Variants in PLK5 observed in about 807,000 individuals in gnomAD.
The protein encoded by PLK5 is inactive serine/threonine-protein kinase PLK5.
A neutral mutation model predicts 33.7 loss-of-function variants in PLK5; 28 were observed. That is an observed-to-expected ratio of 0.83 (90% CI 0.62 to 1.14). The LOEUF (loss-of-function observed/expected upper bound fraction) is 1.14. PLK5 is among the 50% of genes most tolerant of loss of function. The pLI is 0.00. For missense variants in PLK5, 492 were observed against 461.5 expected (o/e 1.07, Z -0.61); for synonymous variants, 225 against 202.2 (o/e 1.11, Z -0.96).
Position 1,535,420 on chromosome 19 carries a change from C to G in PLK5, c.*170C>G. On this transcript the variant is annotated 3_prime_UTR_variant, in exon 14 of 14. Coordinates refer to ENST00000454744, the MANE Select transcript of PLK5 (RefSeq NM_001243079.2). ...TGTTCAACCCAGACTTTGCTGGGAT[C>G]TCTTCCTTTTTCATTAAAGACAATT... 1.5e-6 allele frequency: 1 copy of G among 656,670 alleles called. No individual in the cohort carries two copies. The highest frequency in any genetic ancestry group is 2.4e-6 in the Non-Finnish European group (1 of 417,012). The allele number at this position is 656,670 out of a possible 1,614,324, so 40.7% of individuals were successfully genotyped here.
rs749698829 is a variant in PLK5, at chr19:1,529,591, G to A, written c.490+101G>A. The A allele has an allele frequency of 8.9e-5, 127 of 1,428,758 alleles. 1 individual carries two copies. Among genetic ancestry groups the A allele is most frequent in the African/African-American group, 7.2e-4 (51 of 70,776 alleles). 88.5% of individuals were successfully genotyped at this position (1,428,758 alleles called of 1,614,324 possible). A position where few individuals can be genotyped will look rare whatever the true frequency, so the allele number is the denominator to read the frequency against. ...GTGGCTTACCAGGGTCACAGCCGCC[G>A]TCCCGGCCTCACCTTTCCCGCCTGT... On this transcript the variant is annotated intron_variant, in intron 10 of 13. Coordinates refer to ENST00000454744, the MANE Select transcript of PLK5 (RefSeq NM_001243079.2).
At chr19:1,534,098 GC>G in intron 13 of PLK5, 57 bp downstream of exon 13, 1 of 1,375,348 alleles carries the variant, frequency 7.3e-7, no homozygotes, top group Non-Finnish European at 1.0e-6. Flanking sequence ...GGTCTGGCCT[GC>G]CTGGGCTGTT....
chr19:1,535,204 CCG>C lies in PLK5; in HGVS notation c.966_967del (p.Gly323ThrfsTer62), dbSNP rs1599309232. The C allele has an allele frequency of 6.5e-7, 1 of 1,533,998 alleles. No homozygotes were observed. The highest frequency in any genetic ancestry group is 8.7e-7 in the Non-Finnish European group (1 of 1,146,472). ...CGGAGCCACGGCTGCGCCCCCACCA[CCG>C]GACAGCACCTTCACCACGCCCTCCG... On this transcript the variant is annotated frameshift_variant, in exon 14 of 14. Coordinates refer to ENST00000454744, the MANE Select transcript of PLK5 (RefSeq NM_001243079.2). LOFTEE classifies it low-confidence loss of function (END_TRUNC).
rs1913668621 is a variant in PLK5 at position 1,524,247 on chromosome 19, G to T, written c.-544+1G>T. 1 of 150,588 alleles carries T rather than the reference G, an allele frequency of 6.6e-6. No homozygotes were observed. The highest frequency in any genetic ancestry group is 1.9e-4 in the East Asian group (1 of 5,168). 9.3% of individuals were successfully genotyped at this position (150,588 alleles called of 1,614,324 possible). On this transcript the variant is annotated splice_donor_variant, in intron 1 of 13. Transcript: ENST00000454744. LOFTEE classifies it low-confidence loss of function (5UTR_SPLICE). The surrounding 1 kb of genome is among the most constrained non-coding windows in gnomAD (Gnocchi z 4.5). ...CAGGCGCGGGAAGCTGATCGGCAAG[G>T]TGGGAGGCCCGCGCCCCGAGTCCGC...
At chr19:1,529,886 C>A in intron 11 of PLK5, 62 bp downstream of exon 11, 1 of 1,479,646 alleles carries the variant, frequency 6.8e-7, no homozygotes, top group South Asian at 1.3e-5. Flanking sequence ...AAATTGCCTT[C>A]ATTCCCATCC....
intron 12 of PLK5, among the ~76,000 whole-genome samples, chr19:1,533,217 G>A (rs146746691): frequency 1.5e-3 from 231 of 151,362 alleles, no homozygotes; most frequent in African/African-American, 5.4e-3. Flanking sequence ...TCCCGGGATC[G>A]GGGTAGCTGG....
At chr19:1,534,939 G>T in intron 13 of PLK5, 126 bp from the exon 14 acceptor site, 7 of 863,650 alleles carry the variant, frequency 8.1e-6, no homozygotes, top group South Asian at 7.7e-5. Flanking sequence ...CCTGTGGCTG[G>T]GGCAGGCACT....
chr19:1,534,100 C>A, intron 13 of PLK5, 59 bp downstream of exon 13: 1 of 1,367,206 alleles, frequency 7.3e-7, no homozygotes, highest in Non-Finnish European at 1.0e-6. Context: ...TCTGGCCTGC[C>A]TGGGCTGTTA....
rs56934021 is a variant in PLK5, at chr19:1,528,150, CGGCGTGGGGTCCCT to C, written c.201+34_201+47del. On this transcript the variant is annotated intron_variant, in intron 7 of 13. Transcript: ENST00000454744. ...CTTCACACAGGTGGGCGGCGGTCCT[CGGCGTGGGGTCCCT>C]GGCGTGGGGTCCCTGGCAGGTGATG... 2.9e-3 allele frequency: 4,413 copies of C among 1,509,978 alleles called. 16 individuals are homozygous for C. The highest frequency in any genetic ancestry group is 9.6e-3 in the African/African-American group (691 of 71,914). 93.5% of individuals were successfully genotyped at this position (1,509,978 alleles called of 1,614,324 possible).
chr19:1,531,737 G>C lies in PLK5; in HGVS notation c.569-1G>C, dbSNP rs150328666. 2.0e-6 allele frequency: 3 copies of C among 1,536,594 alleles called. No individual in the cohort carries two copies. The East Asian group carries it at 7.3e-5, about 38-fold the overall frequency. On this transcript the variant is annotated splice_acceptor_variant, in intron 11 of 13. Transcript: ENST00000454744. LOFTEE classifies it high-confidence loss of function. ...CTCAGCATACCTTTGTTTGTGCCCA[G>C]CCACACAGGACCCCCTGGGAGAGCA...
chr19:1,529,168 C>T (rs892978248), intron 9 of PLK5, 194 bp downstream of exon 9: 1 of 656,308 alleles, frequency 1.5e-6, no homozygotes, highest in Non-Finnish European at 2.6e-6. Flanking sequence ...CTGGGCTTTC[C>T]CAAGGGCCGG....
rs1459445155 is a variant in PLK5, at chr19:1,529,469, A to G, written c.469A>G (p.Thr157Ala). ...CCCCATCCACCTGGTCGCACAAGGG[A>G]CCCTGCAGAGTGACCTGGCCGGTGA... ...EGPIHLVAQG[T>A]LQSDLAGPEG... The change falls in exon 10 of 14, where the codon ACC becomes GCC. Residue 157 changes from threonine to alanine, a missense_variant. Thr to Ala is a moderately conservative substitution (Grantham distance 58). Coordinates refer to ENST00000454744, the MANE Select transcript of PLK5 (RefSeq NM_001243079.2). The G allele has an allele frequency of 5.2e-6, 8 of 1,535,924 alleles. No homozygotes were observed. The highest frequency in any genetic ancestry group is 7.0e-6 in the Non-Finnish European group (8 of 1,146,816).
At position 1,529,183 on chromosome 19, in the gene PLK5, G is replaced by C. The variant is rs1184104297; in HGVS notation, c.405+209G>C. 3.0e-5 allele frequency: 19 copies of C among 641,894 alleles called. No homozygotes were observed. The Admixed American group carries it at 5.7e-4, about 19-fold the overall frequency. The allele number at this position is 641,894 out of a possible 1,614,324, so 39.8% of individuals were successfully genotyped here. A position where few individuals can be genotyped will look rare whatever the true frequency, so the allele number is the denominator to read the frequency against. On this transcript the variant is annotated intron_variant, in intron 9 of 13. Transcript: ENST00000454744. ...CTGGGCTTTCCCAAGGGCCGGGCTC[G>C]AGGCCATGGGAAGGGTCCCATCCAT... is the stretch of plus-strand genomic sequence containing the variant.
At chr19:1,529,090 G>A (rs985042677) in intron 9 of PLK5, 116 bp downstream of exon 9, 4 of 869,382 alleles carry the variant, frequency 4.6e-6, no homozygotes, top group African/African-American at 3.4e-5. Flanking sequence ...CTCCAAGCCC[G>A]GCCCCCTCCC....
intron 10 of PLK5, 37 bp downstream of exon 10, chr19:1,529,527 G>A: frequency 2.0e-6 from 3 of 1,520,958 alleles, no homozygotes; most frequent in African/African-American, 2.7e-5. Context: ...GGCTGCAGGT[G>A]GGGAGGGAGG....
In PLK5 at chr19:1,524,113, G is replaced by GA. The variant is rs1913662224; in HGVS notation, c.-677_-676insA. On this transcript the variant is annotated 5_prime_UTR_variant, in exon 1 of 14. Transcript: ENST00000454744. This position sits in a 1 kb window ranked among gnomAD's most constrained non-coding sequence, Gnocchi z 4.5. ...GGAGCGGCCGCAGCGCGGTGGTCTC[G>GA]GCCCGGCTGCGCCAGAGTCCGCGCG... 1 of 151,168 alleles carries GA rather than the reference G, an allele frequency of 6.6e-6. No individual in the cohort carries two copies. Among genetic ancestry groups the GA allele is most frequent in the South Asian group, 2.1e-4 (1 of 4,832 alleles). The allele number at this position is 151,168 out of a possible 1,614,324, so 9.4% of individuals were successfully genotyped here.
rs981823635 is a variant in PLK5, at chr19:1,533,970, G to A, written c.754G>A (p.Gly252Ser). Residue 252 changes from glycine to serine, a missense_variant, in exon 13 of 14, where the codon GGC becomes AGC. Physicochemically the swap from Gly to Ser is moderately conservative, Grantham distance 56. Transcript: ENST00000454744. ...CACACCTGTGCCACCTGCTGGACCCGGCCTCTGCCTCCTGCGCTTCCTGGC... is the reference window on the plus strand; with the variant it reads ...CACACCTGTGCCACCTGCTGGACCCAGCCTCTGCCTCCTGCGCTTCCTGGC... ...LPTPVPPAGPGLCLLRFLASE... is the reference protein window; with the variant it reads ...LPTPVPPAGPSLCLLRFLASE... 186 of 1,534,872 alleles carry A rather than the reference G, an allele frequency of 1.2e-4. No individual in the cohort carries two copies. Among genetic ancestry groups the A allele is most frequent in the Middle Eastern group, 1.9e-4 (1 of 5,248 alleles).
At chr19:1,533,852 A>C in intron 12 of PLK5, 79 bp from the exon 13 acceptor site, 8 of 1,096,214 alleles carry the variant, frequency 7.3e-6, no homozygotes, top group Non-Finnish European at 1.0e-5. Context: ...GCGGGAGGTG[A>C]GAGCTGGGGT....
At chr19:1,534,439 G>A (rs1599308547) in intron 13 of PLK5, among the ~76,000 whole-genome samples, 1 of 150,732 alleles carries the variant, frequency 6.6e-6, no homozygotes, top group Non-Finnish European at 1.5e-5. Context: ...CCTGGCAGGC[G>A]GAGGTTGCAG....
Sources: allele counts gnomAD v4.1 joint callset (sites outside exome capture counted in the v4.1 genomes callset), GRCh38; gene constraint gnomAD v4.1.1; non-coding constraint Gnocchi (gnomAD v3.1); transcripts MANE v1.5; gene names NCBI Gene and HGNC (gene_info 2026-07-23, HGNC 2026-07-21).